Variants in COMMD10 observed in about 807,000 individuals in gnomAD.
The protein encoded by COMMD10 is COMM domain-containing protein 10.
Under a neutral mutation model 28.9 loss-of-function variants are expected in COMMD10, and 33 were observed. That is an observed-to-expected ratio of 1.14 (90% CI 0.87 to 1.53). The LOEUF (loss-of-function observed/expected upper bound fraction) is 1.53. Among genes scored for constraint, COMMD10 ranks in the 40% most tolerant of loss-of-function variants. COMMD10 has a pLI of 0.00. For missense variants in COMMD10, 310 were observed against 233.4 expected, an observed-to-expected ratio of 1.33 and a Z score of -2.14; for synonymous variants, 110 against 81.7, an observed-to-expected ratio of 1.35 and a Z score of -1.87.
chr5:116,254,103 C>T (rs1257229918), intron 5 of COMMD10, among the ~76,000 whole-genome samples: 2 of 152,024 alleles, frequency 1.3e-5, no homozygotes, highest in African/African-American at 4.8e-5. Context: ...TTGTAGTATT[C>T]TCTGATGGTA....
intron 4 of COMMD10, among the ~76,000 whole-genome samples, chr5:116,112,469 T>C (rs1207075291): frequency 1.3e-5 from 2 of 152,008 alleles, no homozygotes; most frequent in African/African-American, 4.8e-5. Context: ...GGATCTCAGC[T>C]CACTGCAACC....
chr5:116,277,622 C>T (rs1750955089), intron 5 of COMMD10, among the ~76,000 whole-genome samples: 2 of 151,862 alleles, frequency 1.3e-5, no homozygotes, highest in Admixed American at 1.3e-4. Flanking sequence ...AAACTCACTG[C>T]CCTTCATAAC....
At chr5:116,135,826 C>G (rs753247636) in intron 5 of COMMD10, among the ~76,000 whole-genome samples, 3 of 152,196 alleles carry the variant, frequency 2.0e-5, no homozygotes, top group Non-Finnish European at 4.4e-5. Flanking sequence ...TGCATCCCCC[C>G]ACAGTGGGCA....
Position 116,169,945 on chromosome 5 carries a change from C to T in COMMD10, c.510+35767C>T, listed in dbSNP as rs113371841. Among the ~76,000 whole-genome samples, 1,203 of 152,206 alleles carry T rather than the reference C, an allele frequency of 7.9e-3. 16 individuals are homozygous for T. The highest frequency in any genetic ancestry group is 0.027 in the African/African-American group (1,111 of 41,512). ...AACCGGCAGAAGACAGCGATGCCCT[C>T]TCTCACCACCCCTATTCATCATAGT... is the stretch of plus-strand genomic sequence containing the variant. On this transcript the variant is annotated intron_variant, in intron 5 of 6. Transcript: ENST00000274458.
chr5:116,135,217 C>T (rs539246843), intron 5 of COMMD10, among the ~76,000 whole-genome samples: 9 of 152,192 alleles, frequency 5.9e-5, no homozygotes, highest in East Asian at 5.8e-4. Context: ...CAGGAGATTA[C>T]AGTGACTGAA....
chr5:116,141,592 T>C (rs6860795), intron 5 of COMMD10, among the ~76,000 whole-genome samples: 136,070 of 151,768 alleles, frequency 0.9, 61,141 homozygotes, highest in African/African-American at 0.94. Context: ...CTTTAATCAG[T>C]GTGTTATAGT....
chr5:116,139,424 CAG>C (rs1481966499), intron 5 of COMMD10, among the ~76,000 whole-genome samples: 1 of 151,690 alleles, frequency 6.6e-6, no homozygotes, highest in Non-Finnish European at 1.5e-5. Context: ...AAGATGTCCT[CAG>C]ATCTATTTAG....
At chr5:116,263,783 T>C (rs1750512807) in intron 5 of COMMD10, among the ~76,000 whole-genome samples, 1 of 151,764 alleles carries the variant, frequency 6.6e-6, no homozygotes, top group Non-Finnish European at 1.5e-5. Context: ...CTCCTGCCTT[T>C]CTGAACCAAA....
chr5:116,235,732 A>G (rs1453384905), intron 5 of COMMD10, among the ~76,000 whole-genome samples: 1 of 152,144 alleles, frequency 6.6e-6, no homozygotes, highest in African/African-American at 2.4e-5. Flanking sequence ...AATTTGATTC[A>G]CATTCTTGTG....
At chr5:116,237,715 T>C (rs1048834041) in intron 5 of COMMD10, among the ~76,000 whole-genome samples, 1 of 152,182 alleles carries the variant, frequency 6.6e-6, no homozygotes, top group African/African-American at 2.4e-5. Flanking sequence ...AGGTATTATC[T>C]TTAATCTGCT....
chr5:116,168,265 T>C (rs1016727023), intron 5 of COMMD10, among the ~76,000 whole-genome samples: 4 of 151,250 alleles, frequency 2.6e-5, no homozygotes, highest in African/African-American at 9.7e-5. Context: ...GATAAAGGGA[T>C]CAGTGCAACA....
Position 116,176,241 on chromosome 5 carries a change from A to T in COMMD10, c.510+42063A>T, listed in dbSNP as rs187422461. 5.3e-5 allele frequency among the ~76,000 whole-genome samples: 8 copies of T among 152,278 alleles called. No individual in the cohort carries two copies. The East Asian group carries it at 1.5e-3, about 29-fold the overall frequency. On this transcript the variant is annotated intron_variant, in intron 5 of 6. Transcript: ENST00000274458. Reference sequence around the variant, plus strand: ...ATTCTCATGCCTCAGCCTCCTGAGTAGCTGAGATTACAGGCATGTGCCACC... The same window carrying T: ...ATTCTCATGCCTCAGCCTCCTGAGTTGCTGAGATTACAGGCATGTGCCACC...
At chr5:116,135,476 C>T (rs898997714) in intron 5 of COMMD10, among the ~76,000 whole-genome samples, 4 of 152,052 alleles carry the variant, frequency 2.6e-5, no homozygotes, top group African/African-American at 7.2e-5. Flanking sequence ...TTCACTGGAA[C>T]GTAATATGAA....
chr5:116,131,405 G>GTGTA (rs558285575), intron 4 of COMMD10, among the ~76,000 whole-genome samples: 259 of 151,782 alleles, frequency 1.7e-3, no homozygotes, highest in East Asian at 7.3e-3. Flanking sequence ...GTGTGTATGT[G>GTGTA]TGTATGTATG....
At chr5:116,102,252 C>A (rs183982082) in intron 4 of COMMD10, among the ~76,000 whole-genome samples, 2 of 152,062 alleles carry the variant, frequency 1.3e-5, no homozygotes, top group East Asian at 3.8e-4. Context: ...AGACAGGGGT[C>A]TAGTCTCATT....
intron 5 of COMMD10, among the ~76,000 whole-genome samples, chr5:116,187,733 G>A (rs1748188821): frequency 6.6e-6 from 1 of 152,012 alleles, no homozygotes. Context: ...GCATAGTATG[G>A]TAATTAAATT....
At position 116,089,975 on chromosome 5, in the gene COMMD10, C is replaced by T. The variant is rs116558604; in HGVS notation, c.133-1104C>T. 7.6e-3 allele frequency among the ~76,000 whole-genome samples: 1,157 copies of T among 152,266 alleles called. 14 individuals carry two copies. Among genetic ancestry groups the T allele is most frequent in the African/African-American group, 0.026 (1,076 of 41,550 alleles). The stretch of plus-strand genomic sequence containing the variant: ...CATCGAGTTGGCCTTTACCTTGAGA[C>T]AGAATTCTTAGAATAGTGAAACTGA... On this transcript the variant is annotated intron_variant, in intron 2 of 6. Transcript: ENST00000274458.
intron 5 of COMMD10, among the ~76,000 whole-genome samples, chr5:116,223,973 G>A (rs1561674766): frequency 6.6e-6 from 1 of 152,136 alleles, no homozygotes; most frequent in African/African-American, 2.4e-5. Context: ...TAATGCATGT[G>A]TTTGGAGCAG....
At chr5:116,234,351 T>A (rs1749605200) in intron 5 of COMMD10, among the ~76,000 whole-genome samples, 1 of 152,152 alleles carries the variant, frequency 6.6e-6, no homozygotes, top group Non-Finnish European at 1.5e-5. Flanking sequence ...AAGCTGCCTG[T>A]TTAAAAACAA....
Sources: gnomAD v4.1 joint callset for allele counts (sites outside exome capture counted in the v4.1 genomes callset) on GRCh38, gnomAD v4.1.1 for gene constraint, MANE v1.5 for transcripts, NCBI Gene and HGNC (gene_info 2026-07-23, HGNC 2026-07-21) for gene names.